PCDH11X: variants seen among roughly 807,000 people sequenced by gnomAD.
The protein encoded by PCDH11X is protocadherin-11 X-linked.
Under a neutral mutation model 53.3 loss-of-function variants are expected in PCDH11X, and 18 were observed. The ratio of observed to expected loss-of-function variants is 0.34; its 90% confidence interval spans 0.23 to 0.50. The LOEUF (loss-of-function observed/expected upper bound fraction) is 0.50, where lower values mean the gene tolerates loss of function less well. PCDH11X is among the 20% of genes least tolerant of loss of function. The probability of loss-of-function intolerance (pLI) is 0.98; values close to 1 mark genes in which losing one functional copy is unlikely to be tolerated. For missense variants in PCDH11X, 570 were observed against 1,032.4 expected (o/e 0.55, Z 6.14); for synonymous variants, 279 against 393.3 (o/e 0.71, Z 3.44).
intron 1 of PCDH11X, among the ~76,000 whole-genome samples, chrX:91,801,601 T>C (rs1044574690): frequency 1.5e-4 from 17 of 112,459 alleles, no homozygotes; most frequent in African/African-American, 5.2e-4. Flanking sequence ...TGAATTCATA[T>C]AGATAAATTA....
chrX:92,077,266 A>G (rs2063786564), intron 6 of PCDH11X, among the ~76,000 whole-genome samples: 1 of 108,848 alleles, frequency 9.2e-6, no homozygotes, highest in Non-Finnish European at 1.9e-5. Context: ...ATACCCGGAA[A>G]GTAGTAGGCA....
chrX:92,335,930 A>G (rs193254463), intron 8 of PCDH11X, among the ~76,000 whole-genome samples: 34 of 111,579 alleles, frequency 3.0e-4, no homozygotes, highest in East Asian at 2.0e-3. Flanking sequence ...GCAGTAATTG[A>G]TCTACTTTTA....
chrX:91,825,037 G>A (rs1159429401), intron 4 of PCDH11X, among the ~76,000 whole-genome samples: 1 of 111,099 alleles, frequency 9.0e-6, no homozygotes, highest in African/African-American at 3.3e-5. Context: ...CGTGTTCTCA[G>A]ATCTCCAACT....
At chrX:91,799,605 C>A (rs1360848015) in intron 1 of PCDH11X, among the ~76,000 whole-genome samples, 1 of 112,052 alleles carries the variant, frequency 8.9e-6, no homozygotes, top group Non-Finnish European at 1.9e-5. Flanking sequence ...TCTGACTGTG[C>A]AAGTGAGTGA....
chrX:91,957,500 A>T (rs1224741888), intron 6 of PCDH11X, among the ~76,000 whole-genome samples: 4 of 110,432 alleles, frequency 3.6e-5, no homozygotes, highest in Non-Finnish European at 7.5e-5. Context: ...TCCTTTTGAC[A>T]GTCAGGCTAC....
At chrX:92,210,430 G>A (rs2066563646) in intron 7 of PCDH11X, among the ~76,000 whole-genome samples, 1 of 107,743 alleles carries the variant, frequency 9.3e-6, no homozygotes. Flanking sequence ...TAATAGAGAC[G>A]GGGTTTCACT....
chrX:92,439,897 T>C (rs1223755167), intron 9 of PCDH11X, among the ~76,000 whole-genome samples: 1 of 67,050 alleles, frequency 1.5e-5, no homozygotes, highest in Non-Finnish European at 3.3e-5. Context: ...TTATAAATTA[T>C]GGGAAATTAC....
chrX:92,316,727 T>C (rs1222679341), intron 8 of PCDH11X, among the ~76,000 whole-genome samples: 1 of 111,308 alleles, frequency 9.0e-6, no homozygotes, highest in Admixed American at 9.6e-5. Flanking sequence ...GCTCTGACAC[T>C]GGTATCAGAA....
intron 6 of PCDH11X, among the ~76,000 whole-genome samples, chrX:91,917,789 C>T (rs1240218321): frequency 3.7e-5 from 4 of 108,865 alleles, no homozygotes; most frequent in African/African-American, 1.3e-4. Flanking sequence ...CATCAAAGTG[C>T]CATAATCATT....
intron 10 of PCDH11X, among the ~76,000 whole-genome samples, chrX:92,526,971 C>T (rs931644205): frequency 4.5e-5 from 5 of 111,241 alleles, no homozygotes; most frequent in Admixed American, 9.6e-5. Context: ...TGAGCTCTTG[C>T]CATTTGCAAC....
intron 6 of PCDH11X, among the ~76,000 whole-genome samples, chrX:92,124,444 C>G (rs2064825465): frequency 9.2e-6 from 1 of 109,289 alleles, no homozygotes; most frequent in Non-Finnish European, 1.9e-5. Flanking sequence ...ACTCAGGAGG[C>G]TGAAACAGGA....
intron 6 of PCDH11X, among the ~76,000 whole-genome samples, chrX:92,193,892 C>T (rs984140203): frequency 3.6e-5 from 4 of 111,806 alleles, no homozygotes; most frequent in African/African-American, 1.3e-4. Context: ...TTTCCCTTCC[C>T]TTAATCCTGC....
At chrX:92,270,142 C>T (rs2067922364) in intron 8 of PCDH11X, among the ~76,000 whole-genome samples, 1 of 103,027 alleles carries the variant, frequency 9.7e-6, no homozygotes, top group African/African-American at 3.6e-5. Flanking sequence ...TTGAGACTCG[C>T]TCTGTCCCCT....
At chrX:92,101,962 TA>T (rs1273635174) in intron 6 of PCDH11X, among the ~76,000 whole-genome samples, 1 of 111,843 alleles carries the variant, frequency 8.9e-6, no homozygotes, top group Non-Finnish European at 1.9e-5. Context: ...CCTTTGCTGG[TA>T]TGTGGCGATT....
intron 6 of PCDH11X, among the ~76,000 whole-genome samples, chrX:92,088,362 AT>A (rs11421718): frequency 9.1e-6 from 1 of 110,384 alleles, no homozygotes; most frequent in Non-Finnish European, 1.9e-5. Context: ...AAAGTATTAG[AT>A]TTTTTTTTCC....
intron 6 of PCDH11X, among the ~76,000 whole-genome samples, chrX:91,911,610 C>G (rs1302440332): frequency 9.1e-6 from 1 of 110,168 alleles, no homozygotes; most frequent in Non-Finnish European, 1.9e-5. Flanking sequence ...TTACCCTCCT[C>G]TCCCCAACTT....
intron 6 of PCDH11X, among the ~76,000 whole-genome samples, chrX:92,009,549 T>C (rs1354711536): frequency 9.0e-6 from 1 of 111,079 alleles, no homozygotes; most frequent in Non-Finnish European, 1.9e-5. Flanking sequence ...ACAATCATTT[T>C]ATTGTTTTAA....
chrX:92,459,850 G>T (rs888407966), intron 9 of PCDH11X: 1 of 1,112,989 alleles, frequency 9.0e-7, no homozygotes, highest in African/African-American at 1.8e-5. Flanking sequence ...GGGGCCTGGG[G>T]GCCTGGCCGC....
Position 92,496,608 on chromosome X carries a change from C to T in PCDH11X, c.3367+28286C>T, listed in dbSNP as rs775825312. On this transcript the variant is annotated intron_variant, in intron 10 of 10. Coordinates refer to ENST00000682573, the MANE Select transcript of PCDH11X (RefSeq NM_032968.5). ...CCACACAGAAAGCATTCCATGAGGACGACAATGGATTATGGAATATGGCAA... is the reference window on the plus strand; with the variant it reads ...CCACACAGAAAGCATTCCATGAGGATGACAATGGATTATGGAATATGGCAA... Among the ~76,000 whole-genome samples the T allele has an allele frequency of 2.3e-3, 237 of 103,204 alleles. 15 individuals are homozygous for T. Among genetic ancestry groups the T allele is most frequent in the African/African-American group, 8.1e-3 (217 of 26,670 alleles). 89.6% of individuals were successfully genotyped at this position (103,204 alleles called of 115,157 possible).
Sources: allele counts gnomAD v4.1 joint callset (sites outside exome capture counted in the v4.1 genomes callset), GRCh38; gene constraint gnomAD v4.1.1; transcripts MANE v1.5; gene names NCBI Gene and HGNC (gene_info 2026-07-23, HGNC 2026-07-21).